The following DLGAP2 variants were observed in gnomAD, a reference collection of about 807,000 sequenced individuals.
The protein encoded by DLGAP2 is DLG associated protein 2.
DLGAP2 carries 26 observed loss-of-function variants against 100.3 expected under a neutral mutation model. That is an observed-to-expected ratio of 0.26 (90% CI 0.19 to 0.36). The LOEUF is 0.36. Ranked by LOEUF, DLGAP2 falls within the 10% of genes least tolerant of loss-of-function variation. DLGAP2 has a pLI of 1.00. For synonymous variants in DLGAP2, 886 were observed against 630.1 expected (o/e 1.41, Z -6.08); for missense variants, 1,858 against 1,453.2 (o/e 1.28, Z -4.53).
intron 6 of DLGAP2, among the ~76,000 whole-genome samples, chr8:1,623,097 A>G (rs546496965): frequency 6.6e-6 from 1 of 152,362 alleles, no homozygotes; most frequent in Admixed American, 6.5e-5. Flanking sequence ...CTTAAGCCAA[A>G]TGAGGCTGAG....
chr8:1,154,473 A>G (rs1457427946), intron 2 of DLGAP2, among the ~76,000 whole-genome samples: 1 of 152,204 alleles, frequency 6.6e-6, no homozygotes, highest in Non-Finnish European at 1.5e-5. Context: ...CATATTAATG[A>G]TTTCCCTTAT....
Position 1,112,345 on chromosome 8 carries a change from A to G in DLGAP2, c.74-146506A>G, listed in dbSNP as rs747822723. 1.4e-4 allele frequency among the ~76,000 whole-genome samples: 20 copies of G among 143,788 alleles called. 1 individual carries two copies. The highest frequency in any genetic ancestry group is 2.9e-4 in the African/African-American group (11 of 38,506). The allele number at this position is 143,788 out of a possible 152,430, so 94.3% of individuals were successfully genotyped here. A position where few individuals can be genotyped will look rare whatever the true frequency, so the allele number is the denominator to read the frequency against. ...AAGCTCCGCCTCCCCGGTTCATGCC[A>G]TACTCCTGACTCAGCCTCCCGATTA... On this transcript the variant is annotated intron_variant, in intron 2 of 14. Transcript: ENST00000637795.
At chr8:1,126,160 A>G (rs1349211269) in intron 2 of DLGAP2, among the ~76,000 whole-genome samples, 1 of 152,192 alleles carries the variant, frequency 6.6e-6, no homozygotes, top group Non-Finnish European at 1.5e-5. Context: ...TTCTGCATTT[A>G]TGCAGATGGG....
chr8:1,046,970 T>A (rs889320312), intron 2 of DLGAP2, among the ~76,000 whole-genome samples: 17 of 150,776 alleles, frequency 1.1e-4, no homozygotes, highest in African/African-American at 3.9e-4. Flanking sequence ...AGGTTTTTTT[T>A]AATAATACAG....
intron 2 of DLGAP2, among the ~76,000 whole-genome samples, chr8:1,224,031 C>G (rs970714486): frequency 6.6e-6 from 1 of 152,116 alleles, no homozygotes; most frequent in Non-Finnish European, 1.5e-5. Flanking sequence ...AAGGCAGATT[C>G]AAGTTAAGCA....
intron 3 of DLGAP2, among the ~76,000 whole-genome samples, chr8:1,489,426 G>A (rs951051584): frequency 2.0e-5 from 3 of 152,208 alleles, no homozygotes; most frequent in Non-Finnish European, 4.4e-5. Context: ...GGGAACAGCA[G>A]TCACTCGGGG....
intron 3 of DLGAP2, among the ~76,000 whole-genome samples, chr8:1,318,773 G>A (rs1424187108): frequency 2.3e-5 from 2 of 85,938 alleles, no homozygotes; most frequent in Non-Finnish European, 4.5e-5. Context: ...CATTGTCAGT[G>A]ATCAGCCCCC....
chr8:1,454,291 C>T (rs1798244479), intron 3 of DLGAP2, among the ~76,000 whole-genome samples: 1 of 152,142 alleles, frequency 6.6e-6, no homozygotes, highest in Non-Finnish European at 1.5e-5. Context: ...GCCAGCTTTC[C>T]CAGCTGCTGA....
At chr8:1,552,826 T>A (rs530135300) in intron 5 of DLGAP2, among the ~76,000 whole-genome samples, 1 of 152,308 alleles carries the variant, frequency 6.6e-6, no homozygotes, top group South Asian at 2.1e-4. Flanking sequence ...TAGAGGAAGA[T>A]TTTTTTCTTG....
chr8:1,210,353 C>A (rs1313821286), intron 2 of DLGAP2, among the ~76,000 whole-genome samples: 1 of 100,224 alleles, frequency 1.0e-5, no homozygotes, highest in Non-Finnish European at 1.8e-5. Context: ...GAAACCAGTG[C>A]AGTGTTTTAA....
intron 8 of DLGAP2, among the ~76,000 whole-genome samples, chr8:1,633,565 C>T (rs1477748387): frequency 6.6e-6 from 1 of 152,196 alleles, no homozygotes; most frequent in African/African-American, 2.4e-5. Flanking sequence ...TCCTTTAGTT[C>T]TCATGGAAAA....
At chr8:1,072,122 G>A (rs896366324) in intron 2 of DLGAP2, among the ~76,000 whole-genome samples, 23 of 152,158 alleles carry the variant, frequency 1.5e-4, no homozygotes, top group Non-Finnish European at 1.9e-4. Context: ...ACCAACCACC[G>A]TCAAGGCACA....
chr8:1,333,607 A>G (rs1055648516), intron 3 of DLGAP2, among the ~76,000 whole-genome samples: 1 of 152,182 alleles, frequency 6.6e-6, no homozygotes, highest in Non-Finnish European at 1.5e-5. Flanking sequence ...TCAAGCCCTC[A>G]TAATAGGCAG....
At chr8:1,356,817 C>T (rs751897638) in intron 3 of DLGAP2, among the ~76,000 whole-genome samples, 26 of 152,242 alleles carry the variant, frequency 1.7e-4, no homozygotes, top group Admixed American at 5.2e-4. Context: ...AGCAAAGGGC[C>T]GTTTGCCACG....
intron 2 of DLGAP2, among the ~76,000 whole-genome samples, chr8:1,185,743 ACACT>A (rs1797488074): frequency 7.2e-6 from 1 of 138,162 alleles, no homozygotes; most frequent in African/African-American, 2.9e-5. Flanking sequence ...TCACACACAC[ACACT>A]CACACACATT....
chr8:884,813 T>C (rs2128994343), intron 1 of DLGAP2, among the ~76,000 whole-genome samples: 1 of 152,356 alleles, frequency 6.6e-6, no homozygotes, highest in South Asian at 2.1e-4. Context: ...TTGTATAAGG[T>C]GTAAGGAAGG....
chr8:1,121,988 A>G (rs1242675041), intron 2 of DLGAP2, among the ~76,000 whole-genome samples: 4 of 152,230 alleles, frequency 2.6e-5, no homozygotes, highest in South Asian at 2.1e-4. Flanking sequence ...TGTTGCCCCA[A>G]CCCATACAGA....
chr8:756,715 C>T (rs1228921121), intron 1 of DLGAP2, among the ~76,000 whole-genome samples: 8 of 152,066 alleles, frequency 5.3e-5, no homozygotes, highest in African/African-American at 1.2e-4. Flanking sequence ...TTCCCCTGAG[C>T]GCTGTCTCCC....
intron 3 of DLGAP2, among the ~76,000 whole-genome samples, chr8:1,420,085 C>G (rs1376301205): frequency 1.3e-5 from 2 of 152,194 alleles, no homozygotes; most frequent in Non-Finnish European, 2.9e-5. Context: ...ATCCAGCTAA[C>G]CTTCAGTCCC....
Sources: gnomAD v4.1 joint callset for allele counts (sites outside exome capture counted in the v4.1 genomes callset) on GRCh38, gnomAD v4.1.1 for gene constraint, MANE v1.5 for transcripts, NCBI Gene and HGNC (gene_info 2026-07-23, HGNC 2026-07-21) for gene names.